Variants in SNX29 observed in about 807,000 individuals in gnomAD.
SNX29 encodes the protein sorting nexin 29.
Under a neutral mutation model 102.1 loss-of-function variants are expected in SNX29, and 78 were observed. That is an observed-to-expected ratio of 0.76 (90% CI 0.64 to 0.92). The LOEUF is 0.92. Ranked by LOEUF, SNX29 falls within the 40% of genes least tolerant of loss-of-function variation. The probability of loss-of-function intolerance (pLI) is 0.00; values close to 1 mark genes in which losing one functional copy is unlikely to be tolerated. For missense variants in SNX29, 1,280 were observed against 1,061.7 expected (o/e 1.21, Z -2.86); for synonymous variants, 580 against 414.5 (o/e 1.40, Z -4.85).
intron 20 of SNX29, among the ~76,000 whole-genome samples, chr16:12,553,425 C>T (rs533489614): frequency 6.6e-6 from 1 of 152,182 alleles, no homozygotes; most frequent in Admixed American, 6.5e-5. Context: ...CCAGGTCTGA[C>T]ACACTCCAAC....
At chr16:12,543,258 C>T (rs1045144983) in intron 20 of SNX29, among the ~76,000 whole-genome samples, 1 of 152,178 alleles carries the variant, frequency 6.6e-6, no homozygotes, top group South Asian at 2.1e-4. Context: ...TGATGCAGCT[C>T]TGGGTCATCA....
intron 14 of SNX29, among the ~76,000 whole-genome samples, chr16:12,255,218 C>G (rs1488521217): frequency 6.6e-6 from 1 of 151,970 alleles, no homozygotes; most frequent in African/African-American, 2.4e-5. Context: ...TTTTTTGAGA[C>G]TGAGTCTTGG....
intron 18 of SNX29, among the ~76,000 whole-genome samples, chr16:12,462,869 A>G (rs1431626386): frequency 6.6e-6 from 1 of 152,236 alleles, no homozygotes; most frequent in Non-Finnish European, 1.5e-5. Flanking sequence ...GATCATGTGC[A>G]TGACTCAAAT....
chr16:12,430,480 T>G (rs1475393454), intron 18 of SNX29, among the ~76,000 whole-genome samples: 1 of 152,248 alleles, frequency 6.6e-6, no homozygotes, highest in East Asian at 1.9e-4. Context: ...TTCCTGAGTT[T>G]GCATCCCAGC....
intron 8 of SNX29, chr16:12,060,945 C>T (rs2151266079): frequency 2.3e-6 from 1 of 443,248 alleles, no homozygotes; most frequent in South Asian, 1.6e-5. Context: ...GTCCTTTTAC[C>T]CACGAGGGGC....
intron 3 of SNX29, among the ~76,000 whole-genome samples, chr16:12,014,732 C>CA (rs201224471): frequency 0.36 from 25,997 of 71,682 alleles, 3,505 homozygotes; most frequent in Non-Finnish European, 0.44. Context: ...AGCTCCGTCT[C>CA]AAAAAAAAAA....
At chr16:12,313,462 C>A (rs114223956) in intron 15 of SNX29, among the ~76,000 whole-genome samples, 1 of 152,184 alleles carries the variant, frequency 6.6e-6, no homozygotes, top group African/African-American at 2.4e-5. Context: ...TTCTCTCTTC[C>A]GGGAAAGTCC....
chr16:12,094,678 C>A (rs535257592), intron 11 of SNX29, among the ~76,000 whole-genome samples: 2 of 152,142 alleles, frequency 1.3e-5, no homozygotes, highest in Admixed American at 6.6e-5. Flanking sequence ...AGGGTCCTTC[C>A]GGCATCTGCT....
chr16:12,183,662 T>C (rs2076444762), intron 13 of SNX29, among the ~76,000 whole-genome samples: 1 of 152,190 alleles, frequency 6.6e-6, no homozygotes, highest in African/African-American at 2.4e-5. Context: ...AACAACTCCA[T>C]CTGGAATAGG....
intron 1 of SNX29, among the ~76,000 whole-genome samples, chr16:11,994,414 G>C (rs182629329): frequency 2.0e-5 from 3 of 152,202 alleles, no homozygotes; most frequent in Non-Finnish European, 4.4e-5. Context: ...GATCGCTCCT[G>C]TGTGGCAAAG....
chr16:12,303,648 C>A (rs2080251603), intron 15 of SNX29, among the ~76,000 whole-genome samples: 2 of 152,168 alleles, frequency 1.3e-5, no homozygotes, highest in African/African-American at 4.8e-5. Context: ...GAGAGGTTCT[C>A]AAAAGTTCCA....
At chr16:12,283,096 G>A (rs919653692) in intron 15 of SNX29, among the ~76,000 whole-genome samples, 1 of 152,106 alleles carries the variant, frequency 6.6e-6, no homozygotes, top group African/African-American at 2.4e-5. Context: ...GGAGAGCCTG[G>A]GGACACCATT....
intron 9 of SNX29, among the ~76,000 whole-genome samples, chr16:12,063,535 C>T (rs556292457): frequency 9.9e-5 from 15 of 151,984 alleles, no homozygotes; most frequent in Middle Eastern, 3.4e-3. Context: ...CCACCATGCC[C>T]GGCTAAATTC....
At chr16:12,541,619 T>C (rs909466872) in intron 20 of SNX29, among the ~76,000 whole-genome samples, 4 of 152,188 alleles carry the variant, frequency 2.6e-5, no homozygotes, top group African/African-American at 7.2e-5. Flanking sequence ...GCCACATCTC[T>C]GTCGGGGTCC....
chr16:12,285,963 C>G (rs112895659), intron 15 of SNX29, among the ~76,000 whole-genome samples: 1 of 152,054 alleles, frequency 6.6e-6, no homozygotes, highest in Admixed American at 6.6e-5. Flanking sequence ...TCAAGTGATT[C>G]TCCTGCTTCC....
chr16:12,058,743 C>T (rs375994873), intron 8 of SNX29, among the ~76,000 whole-genome samples: 16 of 151,046 alleles, frequency 1.1e-4, no homozygotes, highest in East Asian at 7.8e-4. Context: ...ATCTACCCGC[C>T]ACGGCCTCCC....
chr16:12,547,909 C>T (rs537321063), intron 20 of SNX29, among the ~76,000 whole-genome samples: 2 of 152,230 alleles, frequency 1.3e-5, no homozygotes, highest in South Asian at 2.1e-4. Context: ...AGGAGCTGCT[C>T]TTAGGGGTTC....
In SNX29 at chr16:12,362,167, G is replaced by A. The variant is rs566234570; in HGVS notation, c.1899+5888G>A. 1.1e-4 allele frequency among the ~76,000 whole-genome samples: 16 copies of A among 152,312 alleles called. No homozygotes were observed. The South Asian group carries it at 3.1e-3, about 30-fold the overall frequency. Reference sequence around the variant, plus strand: ...CTTGTTCCCTTGAACTGACAAAACCGTAATGGATTTCCCCAGGTCCCTGTT... The same window carrying A: ...CTTGTTCCCTTGAACTGACAAAACCATAATGGATTTCCCCAGGTCCCTGTT... On this transcript the variant is annotated intron_variant, in intron 16 of 20. Transcript: ENST00000566228.
intron 4 of SNX29, among the ~76,000 whole-genome samples, chr16:12,033,610 C>CTTTTTTTT (rs869128492): frequency 7.1e-6 from 1 of 140,118 alleles, no homozygotes; most frequent in Non-Finnish European, 1.6e-5. Context: ...TTTCTTTTTT[C>CTTTTTTTT]TTTTTTTTTT....
Sources: allele counts gnomAD v4.1 joint callset (sites outside exome capture counted in the v4.1 genomes callset), GRCh38; gene constraint gnomAD v4.1.1; transcripts MANE v1.5; gene names NCBI Gene and HGNC (gene_info 2026-07-23, HGNC 2026-07-21).